Variants in ITIH5 observed in about 807,000 individuals in gnomAD.
The protein encoded by ITIH5 is inter-alpha-trypsin inhibitor heavy chain H5.
Under a neutral mutation model 77.5 loss-of-function variants are expected in ITIH5, and 65 were observed. The observed-to-expected ratio is 0.84, with a 90% CI of 0.69 to 1.03. The LOEUF is 1.03. Among genes scored for constraint, ITIH5 ranks in the 50% least tolerant of loss-of-function variants. The pLI is 0.00. For synonymous variants in ITIH5, 525 were observed against 494.3 expected (o/e 1.06, Z -0.82); for missense variants, 1,208 against 1,213.1 (o/e 1.00, Z 0.06).
chr10:7,643,947 A>T (rs1173490472), intron 2 of ITIH5, among the ~76,000 whole-genome samples: 1 of 152,192 alleles, frequency 6.6e-6, no homozygotes, highest in Non-Finnish European at 1.5e-5. Context: ...GGCTACAAAT[A>T]TCAAGTGCAC....
At chr10:7,635,245 G>A (rs1193297810) in intron 5 of ITIH5, among the ~76,000 whole-genome samples, 3 of 152,230 alleles carry the variant, frequency 2.0e-5, no homozygotes, top group Non-Finnish European at 4.4e-5. Context: ...ACAGAAAAAA[G>A]TCAATATAAT....
intron 2 of ITIH5, among the ~76,000 whole-genome samples, chr10:7,643,404 G>A (rs1046145159): frequency 2.6e-5 from 4 of 152,220 alleles, no homozygotes; most frequent in African/African-American, 4.8e-5. Context: ...GGGAAGTCAA[G>A]CTTAGTGAGG....
rs568591245 is a variant in ITIH5 at position 7,561,303 on chromosome 10, C to T, written c.*1780G>A. On this transcript the variant is annotated 3_prime_UTR_variant, in exon 14 of 14. Coordinates refer to ENST00000397146, the MANE Select transcript of ITIH5 (RefSeq NM_030569.7). ...TTACACCTGGAACAACAGATCACTGCTCCAAGTGCTCCACAGGGGACAGGG... is the reference window on the plus strand; with the variant it reads ...TTACACCTGGAACAACAGATCACTGTTCCAAGTGCTCCACAGGGGACAGGG... 1 of 152,270 alleles carries T rather than the reference C, an allele frequency of 6.6e-6. No individual in the cohort carries two copies. The highest frequency in any genetic ancestry group is 1.5e-5 in the Non-Finnish European group (1 of 68,060). 9.4% of individuals were successfully genotyped at this position (152,270 alleles called of 1,614,324 possible).
intron 7 of ITIH5, among the ~76,000 whole-genome samples, chr10:7,604,927 T>C (rs1833092692): frequency 6.6e-6 from 1 of 152,118 alleles, no homozygotes; most frequent in African/African-American, 2.4e-5. Flanking sequence ...GTTCAAGCGA[T>C]TCTCCTGCCT....
At chr10:7,653,672 A>T (rs1834135956) in intron 2 of ITIH5, among the ~76,000 whole-genome samples, 1 of 152,352 alleles carries the variant, frequency 6.6e-6, no homozygotes, top group South Asian at 2.1e-4. Context: ...ATTATAATAC[A>T]TATAAATACA....
At chr10:7,658,560 G>A (rs932787381) in intron 1 of ITIH5, among the ~76,000 whole-genome samples, 3 of 152,130 alleles carry the variant, frequency 2.0e-5, no homozygotes, top group Non-Finnish European at 2.9e-5. Flanking sequence ...AGGGTGTCGG[G>A]GCACAGCTGC....
In ITIH5 at chr10:7,559,874, C is replaced by T. The variant is rs139837866; in HGVS notation, c.*3209G>A. 9.3e-4 allele frequency: 419 copies of T among 451,702 alleles called. 6 individuals are homozygous for T. In the East Asian group the frequency reaches 0.027, roughly 29 times the overall value. The allele number at this position is 451,702 out of a possible 1,614,324, so 28.0% of individuals were successfully genotyped here. A position where few individuals can be genotyped will look rare whatever the true frequency, so the allele number is the denominator to read the frequency against. On this transcript the variant is annotated 3_prime_UTR_variant, in exon 14 of 14. Transcript: ENST00000397146. ...TTTGTTTTGTTTTGTTTTTTTTTGA[C>T]GGAGTTTGGCTCTGTCACTCCAGCT...
intron 1 of ITIH5, among the ~76,000 whole-genome samples, chr10:7,662,242 A>C (rs1206418138): frequency 6.6e-6 from 1 of 152,072 alleles, no homozygotes; most frequent in African/African-American, 2.4e-5. Context: ...CTGTAGTCCC[A>C]GCTACTTGGG....
chr10:7,625,360 G>C (rs954061509), intron 5 of ITIH5, among the ~76,000 whole-genome samples: 2 of 152,166 alleles, frequency 1.3e-5, no homozygotes, highest in Admixed American at 1.3e-4. Flanking sequence ...GGGAAGGAGA[G>C]ATGAGGAGTC....
At chr10:7,596,878 T>C (rs1008607842) in intron 7 of ITIH5, among the ~76,000 whole-genome samples, 1 of 151,292 alleles carries the variant, frequency 6.6e-6, no homozygotes, top group African/African-American at 2.4e-5. Flanking sequence ...CAAAACCCCG[T>C]CTCTACTAAA....
intron 5 of ITIH5, among the ~76,000 whole-genome samples, chr10:7,629,187 A>C (rs372945484): frequency 1.3e-5 from 1 of 79,490 alleles, no homozygotes; most frequent in Non-Finnish European, 2.9e-5. Context: ...CTGTGTTTTC[A>C]CATGTGTCCC....
At chr10:7,666,663 C>T (rs1373804176) in intron 1 of ITIH5, 140 bp downstream of exon 1, 5 of 610,168 alleles carry the variant, frequency 8.2e-6, no homozygotes, top group Non-Finnish European at 1.1e-5. Context: ...GCACGAGTGA[C>T]CCACAGAGAG....
intron 7 of ITIH5, among the ~76,000 whole-genome samples, chr10:7,598,111 G>A (rs1374799395): frequency 6.6e-6 from 1 of 152,118 alleles, no homozygotes; most frequent in East Asian, 1.9e-4. Flanking sequence ...ACTTCAGGGG[G>A]TTATGAAAAT....
rs770280366 is a variant in ITIH5 at position 7,559,789 on chromosome 10, T to C, written c.*3294A>G. 7.5e-5 allele frequency: 34 copies of C among 455,192 alleles called. No homozygotes were observed. Among genetic ancestry groups the C allele is most frequent in the African/African-American group, 6.6e-4 (33 of 49,788 alleles). 28.2% of individuals were successfully genotyped at this position (455,192 alleles called of 1,614,324 possible). A position where few individuals can be genotyped will look rare whatever the true frequency, so the allele number is the denominator to read the frequency against. On this transcript the variant is annotated 3_prime_UTR_variant, in exon 14 of 14. Transcript: ENST00000397146. ...CGTCTTCCTGGCTTGCAGGTGGCCA[T>C]CTTCTCATCGTATCCCCAGGTGGTG...
chr10:7,614,849 T>C (rs1205984174), intron 7 of ITIH5, among the ~76,000 whole-genome samples: 1 of 152,168 alleles, frequency 6.6e-6, no homozygotes, highest in African/African-American at 2.4e-5. Flanking sequence ...TTCAACTGCG[T>C]GTGAGGCAGG....
intron 8 of ITIH5, among the ~76,000 whole-genome samples, chr10:7,581,752 G>T (rs1281519329): frequency 8.1e-6 from 1 of 123,384 alleles, no homozygotes; most frequent in African/African-American, 3.0e-5. Context: ...TTTAGAGACA[G>T]GGTCTCACTA....
intron 7 of ITIH5, among the ~76,000 whole-genome samples, chr10:7,615,770 C>T (rs1473231690): frequency 1.3e-5 from 2 of 152,224 alleles, no homozygotes; most frequent in Admixed American, 6.5e-5. Flanking sequence ...GGGGTTTCTA[C>T]AGCACGTCCC....
At position 7,563,102 on chromosome 10, in the gene ITIH5, C is replaced by A; in HGVS notation, c.2810G>T (p.Gly937Val). The part of the protein sequence containing the change: ...PFDTGMTLGR[G>V]MSREL ...CCAGCTTCAGAGCTCCCTGGACATT[C>A]CCCGGCCAAGTGTCATCCCTGTGTC... Residue 937 changes from glycine to valine, a missense_variant, in exon 14 of 14, where the codon GGA becomes GTA. Gly to Val is a moderately radical substitution (Grantham distance 109). Transcript: ENST00000397146. 1.2e-6 allele frequency: 2 copies of A among 1,610,482 alleles called. No homozygotes were observed. Among genetic ancestry groups the A allele is most frequent in the Non-Finnish European group, 1.7e-6 (2 of 1,179,672 alleles).
chr10:7,615,953 G>T, intron 7 of ITIH5, 29 bp downstream of exon 7: 1 of 1,323,236 alleles, frequency 7.6e-7, no homozygotes, highest in Non-Finnish European at 1.1e-6. Context: ...AGCGAGAGAG[G>T]AATAAATGGG....
Sources: allele counts gnomAD v4.1 joint callset (sites outside exome capture counted in the v4.1 genomes callset), GRCh38; gene constraint gnomAD v4.1.1; transcripts MANE v1.5; gene names NCBI Gene and HGNC (gene_info 2026-07-23, HGNC 2026-07-21).